KCNH1: variants seen among roughly 807,000 people sequenced by gnomAD.
KCNH1 encodes potassium voltage-gated channel subfamily H member 1, also known as voltage-gated delayed rectifier potassium channel KCNH1.
A neutral mutation model predicts 69.2 loss-of-function variants in KCNH1; 27 were observed. That is an observed-to-expected ratio of 0.39 (90% CI 0.29 to 0.54). KCNH1 has a LOEUF of 0.54. Among genes scored for constraint, KCNH1 ranks in the 20% least tolerant of loss-of-function variants. KCNH1 has a pLI of 0.68. For synonymous variants in KCNH1, 456 were observed against 487.7 expected, an observed-to-expected ratio of 0.93 and a Z score of 0.86; for missense variants, 798 against 1,261.6, an observed-to-expected ratio of 0.63 and a Z score of 5.57.
intron 7 of KCNH1, among the ~76,000 whole-genome samples, chr1:210,856,432 T>C (rs1685839267): frequency 6.6e-6 from 1 of 152,122 alleles, no homozygotes; most frequent in South Asian, 2.1e-4. Context: ...TCCCACTGAC[T>C]TCTAGGACAG....
chr1:211,104,830 AC>A (rs542420261), intron 2 of KCNH1, among the ~76,000 whole-genome samples: 17 of 152,148 alleles, frequency 1.1e-4, no homozygotes, highest in Non-Finnish European at 2.2e-4. Flanking sequence ...ATATAATCTA[AC>A]CTTTTTTTAT....
At position 210,679,835 on chromosome 1, in the gene KCNH1, CAA is replaced by C. The variant is rs1681219517; in HGVS notation, c.*3444_*3445del. The stretch of plus-strand genomic sequence containing the variant: ...AGAAATCAAGTAAGAAATGCATTTC[CAA>C]AAGTTTGCTGGAAGGCTGCTAAATG... On this transcript the variant is annotated 3_prime_UTR_variant, in exon 11 of 11. Coordinates refer to ENST00000271751, the MANE Select transcript of KCNH1 (RefSeq NM_172362.3). The C allele has an allele frequency of 6.6e-6, 1 of 152,126 alleles. No individual in the cohort carries two copies. The highest frequency in any genetic ancestry group is 2.4e-5 in the African/African-American group (1 of 41,410). The allele number at this position is 152,126 out of a possible 1,614,324, so 9.4% of individuals were successfully genotyped here.
chr1:210,730,205 TG>T (rs1682710345), intron 10 of KCNH1, among the ~76,000 whole-genome samples: 1 of 152,190 alleles, frequency 6.6e-6, no homozygotes, highest in Non-Finnish European at 1.5e-5. Flanking sequence ...ATTATTATGA[TG>T]ATAACATCTC....
intron 10 of KCNH1, among the ~76,000 whole-genome samples, chr1:210,684,564 C>G (rs1053031936): frequency 6.6e-6 from 1 of 152,170 alleles, no homozygotes; most frequent in African/African-American, 2.4e-5. Flanking sequence ...CACTTCAGAC[C>G]TACTCCATTA....
intron 10 of KCNH1, among the ~76,000 whole-genome samples, chr1:210,709,747 A>G (rs1682019488): frequency 8.1e-6 from 1 of 123,612 alleles, no homozygotes; most frequent in Non-Finnish European, 1.9e-5. Flanking sequence ...AGAGAAAGAG[A>G]GAGAGAGAGA....
chr1:210,937,376 A>T (rs1687792379), intron 6 of KCNH1, among the ~76,000 whole-genome samples: 1 of 152,188 alleles, frequency 6.6e-6, no homozygotes, highest in Admixed American at 6.5e-5. Flanking sequence ...GTCTCCTACC[A>T]CACAAGCTGA....
At chr1:211,120,165 T>A (rs1017718089) in intron 1 of KCNH1, among the ~76,000 whole-genome samples, 1 of 152,026 alleles carries the variant, frequency 6.6e-6, no homozygotes, top group African/African-American at 2.4e-5. Context: ...AATCAATCCA[T>A]TGAATTGATT....
chr1:210,845,211 C>T (rs1423563207), intron 7 of KCNH1, among the ~76,000 whole-genome samples: 1 of 152,152 alleles, frequency 6.6e-6, no homozygotes, highest in Non-Finnish European at 1.5e-5. Context: ...AGAGGGAATC[C>T]TCCCCAACTC....
At chr1:210,881,178 T>C (rs187118277) in intron 7 of KCNH1, among the ~76,000 whole-genome samples, 1 of 152,142 alleles carries the variant, frequency 6.6e-6, no homozygotes, top group African/African-American at 2.4e-5. Flanking sequence ...AATTTTTGTA[T>C]ATTTTGTTGA....
chr1:210,911,644 A>G (rs1012924377), intron 7 of KCNH1, among the ~76,000 whole-genome samples: 1 of 151,872 alleles, frequency 6.6e-6, no homozygotes, highest in African/African-American at 2.4e-5. Context: ...AAAAAAAAAA[A>G]AAGAAGGAAA....
intron 6 of KCNH1, among the ~76,000 whole-genome samples, chr1:210,991,857 G>C (rs1249550223): frequency 6.6e-6 from 1 of 152,188 alleles, no homozygotes; most frequent in Non-Finnish European, 1.5e-5. Context: ...CTGACCTTTA[G>C]AGCTGGCTTT....
At chr1:210,959,967 A>C (rs960030405) in intron 6 of KCNH1, among the ~76,000 whole-genome samples, 1 of 152,208 alleles carries the variant, frequency 6.6e-6, no homozygotes, top group Non-Finnish European at 1.5e-5. Flanking sequence ...TTGGAAATGC[A>C]GAAATCACCC....
At chr1:210,825,875 T>C (rs965550395) in intron 7 of KCNH1, among the ~76,000 whole-genome samples, 1 of 152,224 alleles carries the variant, frequency 6.6e-6, no homozygotes, top group East Asian at 1.9e-4. Context: ...ACTTGTATCA[T>C]TGTTTAATTA....
intron 6 of KCNH1, among the ~76,000 whole-genome samples, chr1:211,005,013 T>C (rs1689251571): frequency 6.6e-6 from 1 of 151,960 alleles, no homozygotes; most frequent in South Asian, 2.1e-4. Context: ...ATACTGATTG[T>C]AGAGGGGGAA....
At chr1:210,713,652 G>A (rs1012009923) in intron 10 of KCNH1, among the ~76,000 whole-genome samples, 2 of 152,076 alleles carry the variant, frequency 1.3e-5, no homozygotes, top group Non-Finnish European at 2.9e-5. Flanking sequence ...ATCCGTCTGC[G>A]ATTTTTTCTT....
At chr1:210,787,509 C>A (rs954117259) in intron 9 of KCNH1, among the ~76,000 whole-genome samples, 1 of 152,192 alleles carries the variant, frequency 6.6e-6, no homozygotes, top group African/African-American at 2.4e-5. Context: ...ACCTCTAGCA[C>A]TGTACCTGAT....
Position 210,895,822 on chromosome 1 carries a change from T to C in KCNH1, c.1462+23818A>G, listed in dbSNP as rs116556163. On this transcript the variant is annotated intron_variant, in intron 7 of 10. Transcript: ENST00000271751. ...ACCTAGATTGGCAGGACTGTCTCTCTGCTTTTGCTTTTCCAACAACGCCAT... is the reference window on the plus strand; with the variant it reads ...ACCTAGATTGGCAGGACTGTCTCTCCGCTTTTGCTTTTCCAACAACGCCAT... Among the ~76,000 whole-genome samples, 870 of 152,270 alleles carry C rather than the reference T, an allele frequency of 5.7e-3. 8 individuals carry two copies. The highest frequency in any genetic ancestry group is 0.02 in the African/African-American group (835 of 41,540).
At chr1:211,013,453 C>T (rs1377663084) in intron 6 of KCNH1, among the ~76,000 whole-genome samples, 5 of 152,054 alleles carry the variant, frequency 3.3e-5, no homozygotes, top group African/African-American at 7.2e-5. Context: ...GAAAGGTCCA[C>T]GAAAATGAAG....
intron 5 of KCNH1, among the ~76,000 whole-genome samples, chr1:211,037,492 CTTTTTTT>C (rs59386390): frequency 8.7e-6 from 1 of 115,370 alleles, no homozygotes; most frequent in African/African-American, 3.3e-5. Context: ...TAATTCAGTG[CTTTTTTT>C]TTTTTTTTTT....
Sources: gnomAD v4.1 joint callset for allele counts (sites outside exome capture counted in the v4.1 genomes callset) on GRCh38, gnomAD v4.1.1 for gene constraint, MANE v1.5 for transcripts, NCBI Gene and HGNC (gene_info 2026-07-23, HGNC 2026-07-21) for gene names.